Variants in RNF216 observed in about 807,000 individuals in gnomAD.
RNF216 encodes the protein E3 ubiquitin-protein ligase RNF216.
Under a neutral mutation model 110.8 loss-of-function variants are expected in RNF216, and 72 were observed. The ratio of observed to expected loss-of-function variants is 0.65; its 90% CI spans 0.54 to 0.79. The LOEUF (loss-of-function observed/expected upper bound fraction) is 0.79. Among genes scored for constraint, RNF216 ranks in the 30% least tolerant of loss-of-function variants. The pLI, the probability that RNF216 is intolerant of heterozygous loss-of-function variation, is 0.00. For synonymous variants in RNF216, 495 were observed against 407.5 expected (o/e 1.21, Z -2.59); for missense variants, 1,342 against 1,141.2 (o/e 1.18, Z -2.54).
chr7:5,714,129 A>G (rs1006489426), intron 11 of RNF216, among the ~76,000 whole-genome samples: 1 of 152,140 alleles, frequency 6.6e-6, no homozygotes, highest in Non-Finnish European at 1.5e-5. Context: ...CACCTGGCTA[A>G]TTTTTGTATT....
chr7:5,722,599 C>T (rs1264638904), intron 8 of RNF216, among the ~76,000 whole-genome samples: 2 of 151,900 alleles, frequency 1.3e-5, no homozygotes, highest in East Asian at 3.9e-4. Context: ...ACTGTGTTAG[C>T]CAGGATGGTC....
At chr7:5,697,303 T>C (rs1057511810) in intron 13 of RNF216, among the ~76,000 whole-genome samples, 3 of 152,252 alleles carry the variant, frequency 2.0e-5, no homozygotes, top group Non-Finnish European at 4.4e-5. Context: ...TGATGGTCAG[T>C]TAGGGCCGTG....
intron 3 of RNF216, 85 bp downstream of exon 3, chr7:5,752,761 T>G: frequency 7.0e-7 from 1 of 1,420,398 alleles, no homozygotes; most frequent in Non-Finnish European, 9.7e-7. Context: ...GAGGTGCTGT[T>G]CTACAACAAG....
In RNF216 at chr7:5,677,814, C is replaced by T. The variant is rs114725583; in HGVS notation, c.2062-25304G>A. Among the ~76,000 whole-genome samples, 634 of 152,224 alleles carry T rather than the reference C, an allele frequency of 4.2e-3. 1 individual carries two copies. Among genetic ancestry groups the T allele is most frequent in the African/African-American group, 0.013 (560 of 41,550 alleles). On this transcript the variant is annotated intron_variant, in intron 13 of 16. Coordinates refer to ENST00000389902, the MANE Select transcript of RNF216 (RefSeq NM_207111.4). ...GTCTATGCAGAGACCATTAGAGTAA[C>T]TAAATCAGAATCCAGTAGAATCAGG...
rs978075818 is a variant in RNF216, at chr7:5,620,412, C to CT, written c.*2447dup. On this transcript the variant is annotated 3_prime_UTR_variant, in exon 17 of 17. Coordinates refer to ENST00000389902, the MANE Select transcript of RNF216 (RefSeq NM_207111.4). ...TGCTCTCTGGGCACTGGCACGGCCC[C>CT]TTGCTGGCTGGTCTGAAGACCCCCA... 6.6e-6 allele frequency: 1 copy of CT among 152,318 alleles called. No homozygotes were observed. Among genetic ancestry groups the CT allele is most frequent in the Non-Finnish European group, 1.5e-5 (1 of 68,148 alleles). 9.4% of individuals were successfully genotyped at this position (152,318 alleles called of 1,614,324 possible).
At chr7:5,766,863 G>C (rs984175050) in intron 1 of RNF216, 1 of 152,150 alleles carries the variant, frequency 6.6e-6, no homozygotes, top group Non-Finnish European at 1.5e-5. Context: ...ACTATAAAGG[G>C]TGCGTGTGTA....
chr7:5,775,214 C>G (rs760142030), intron 1 of RNF216: 7 of 152,056 alleles, frequency 4.6e-5, no homozygotes, highest in Non-Finnish European at 1.0e-4. Context: ...CTTCAGTTAT[C>G]AAGTATTGCC....
chr7:5,660,449 A>C (rs891666854), intron 13 of RNF216, among the ~76,000 whole-genome samples: 1 of 149,674 alleles, frequency 6.7e-6, no homozygotes, highest in East Asian at 2.0e-4. Context: ...CCGCGACCAC[A>C]CCTGGCTAAT....
chr7:5,720,431 A>T (rs920502398), intron 9 of RNF216, among the ~76,000 whole-genome samples: 1 of 152,180 alleles, frequency 6.6e-6, no homozygotes, highest in Admixed American at 6.5e-5. Context: ...AATACACAAA[A>T]CATACCAAAC....
Position 5,710,371 on chromosome 7 carries a change from AC to A in RNF216, c.2061+1389del, listed in dbSNP as rs201372782. ...TGAGACCCTGCCTCAAAACTTAAAA[AC>A]AAAAACAAAAACAAAAAACGTCCTC... is the stretch of plus-strand genomic sequence containing the variant. On this transcript the variant is annotated intron_variant, in intron 13 of 16. Coordinates refer to ENST00000389902, the MANE Select transcript of RNF216 (RefSeq NM_207111.4). Among the ~76,000 whole-genome samples the A allele has an allele frequency of 9.4e-3, 1,372 of 146,008 alleles. 28 individuals carry two copies. Among genetic ancestry groups the A allele is most frequent in the East Asian group, 0.015 (76 of 5,018 alleles).
At chr7:5,682,733 T>C (rs1333411878) in intron 13 of RNF216, among the ~76,000 whole-genome samples, 1 of 152,148 alleles carries the variant, frequency 6.6e-6, no homozygotes, top group Non-Finnish European at 1.5e-5. Flanking sequence ...ATAAGTAGCA[T>C]GTAATAGAGT....
chr7:5,709,950 G>T (rs1168157925), intron 13 of RNF216, among the ~76,000 whole-genome samples: 1 of 152,076 alleles, frequency 6.6e-6, no homozygotes, highest in Non-Finnish European at 1.5e-5. Context: ...TAGAGATAGG[G>T]TCTATGTTGC....
At chr7:5,690,327 CAA>C (rs200036930) in intron 13 of RNF216, among the ~76,000 whole-genome samples, 17 of 100,292 alleles carry the variant, frequency 1.7e-4, no homozygotes, top group Non-Finnish European at 1.6e-4. Flanking sequence ...AATTCCATCT[CAA>C]AAAAAAAAAA....
chr7:5,630,616 C>G (rs1251293920), intron 15 of RNF216, among the ~76,000 whole-genome samples: 1 of 152,132 alleles, frequency 6.6e-6, no homozygotes, highest in Non-Finnish European at 1.5e-5. Context: ...AGGTCTCAAA[C>G]TCCTGGCCTC....
chr7:5,739,970 C>G (rs1389156758), intron 4 of RNF216, among the ~76,000 whole-genome samples: 2 of 150,642 alleles, frequency 1.3e-5, no homozygotes, highest in African/African-American at 4.9e-5. Flanking sequence ...ACCACTGTAC[C>G]CCAGCCTGGG....
chr7:5,768,097 C>G (rs759597276), intron 1 of RNF216, among the ~76,000 whole-genome samples: 2 of 151,884 alleles, frequency 1.3e-5, no homozygotes, highest in Admixed American at 1.3e-4. Flanking sequence ...ACTTAAACCA[C>G]AATGGAGGAG....
chr7:5,663,657 T>C (rs1156386223), intron 13 of RNF216, among the ~76,000 whole-genome samples: 2 of 150,082 alleles, frequency 1.3e-5, no homozygotes, highest in African/African-American at 4.9e-5. Flanking sequence ...TCGCAGCACT[T>C]TGGGAGGCTG....
At chr7:5,734,056 G>C (rs182284413) in intron 5 of RNF216, among the ~76,000 whole-genome samples, 8 of 152,262 alleles carry the variant, frequency 5.3e-5, no homozygotes, top group Admixed American at 2.6e-4. Flanking sequence ...AAAAGCTTAG[G>C]AGGGGAAAAA....
chr7:5,690,811 G>C (rs116547493), intron 13 of RNF216, among the ~76,000 whole-genome samples: 1 of 152,104 alleles, frequency 6.6e-6, no homozygotes. Context: ...ATGTACACAC[G>C]CATGTTCTGC....
Sources: gnomAD v4.1 joint callset for allele counts (sites outside exome capture counted in the v4.1 genomes callset) on GRCh38, gnomAD v4.1.1 for gene constraint, MANE v1.5 for transcripts, NCBI Gene and HGNC (gene_info 2026-07-23, HGNC 2026-07-21) for gene names.